The following C1orf87 variants were observed in gnomAD, a reference collection of about 807,000 sequenced individuals.
C1orf87 encodes uncharacterized protein C1orf87.
Under a neutral mutation model 60.5 loss-of-function variants are expected in C1orf87, and 58 were observed. That is an observed-to-expected ratio of 0.96 (90% CI 0.78 to 1.19). C1orf87 has a LOEUF of 1.19. Among genes scored for constraint, C1orf87 ranks in the 50% most tolerant of loss-of-function variants. The pLI, the probability that C1orf87 is intolerant of heterozygous loss-of-function variation, is 0.00. For missense variants in C1orf87, 673 were observed against 638.6 expected (o/e 1.05, Z -0.58); for synonymous variants, 236 against 227.4 (o/e 1.04, Z -0.34).
chr1:60,040,516 G>T (rs544976062), intron 4 of C1orf87, among the ~76,000 whole-genome samples: 2 of 152,298 alleles, frequency 1.3e-5, no homozygotes, highest in African/African-American at 2.4e-5. Context: ...CATTGCAGCT[G>T]GGAGTTTAGC....
intron 3 of C1orf87, among the ~76,000 whole-genome samples, chr1:60,045,247 G>T (rs1017414955): frequency 7.9e-5 from 12 of 152,020 alleles, no homozygotes; most frequent in African/African-American, 2.9e-4. Context: ...TCAAAAATGG[G>T]CAGTAGTGAT....
chr1:60,070,506 G>A (rs1645577173), intron 2 of C1orf87, among the ~76,000 whole-genome samples: 1 of 152,288 alleles, frequency 6.6e-6, no homozygotes, highest in Admixed American at 6.5e-5. Context: ...TGACATGATA[G>A]TGGCGGCACT....
At chr1:60,064,583 CAT>C (rs1557481713) in intron 2 of C1orf87, among the ~76,000 whole-genome samples, 1 of 112,318 alleles carries the variant, frequency 8.9e-6, no homozygotes, top group East Asian at 2.4e-4. Flanking sequence ...GGATATATAT[CAT>C]ATATAATATA....
chr1:59,999,638 A>G (rs933922978), intron 10 of C1orf87, among the ~76,000 whole-genome samples: 2 of 152,146 alleles, frequency 1.3e-5, no homozygotes, highest in Non-Finnish European at 2.9e-5. Flanking sequence ...TAACTAATAC[A>G]TCCTTCACTG....
intron 5 of C1orf87, 81 bp from the exon 6 acceptor site, chr1:60,038,188 G>A: frequency 1.3e-6 from 1 of 770,724 alleles, no homozygotes; most frequent in Non-Finnish European, 1.9e-6. Flanking sequence ...AATGTATTTG[G>A]CAAATTTTTA....
chr1:60,002,804 T>C (rs1487485205), intron 9 of C1orf87, among the ~76,000 whole-genome samples: 1 of 151,240 alleles, frequency 6.6e-6, no homozygotes, highest in African/African-American at 2.4e-5. Flanking sequence ...TGGCAATCAT[T>C]AAAAAGTCAG....
At chr1:59,994,962 T>A (rs1013340023) in intron 11 of C1orf87, among the ~76,000 whole-genome samples, 3 of 152,138 alleles carry the variant, frequency 2.0e-5, no homozygotes, top group Non-Finnish European at 4.4e-5. Context: ...TTAAAGACAG[T>A]TGTAGATTTT....
chr1:60,040,560 C>T (rs1645315020), intron 4 of C1orf87, among the ~76,000 whole-genome samples: 1 of 152,074 alleles, frequency 6.6e-6, no homozygotes, highest in Non-Finnish European at 1.5e-5. Flanking sequence ...GTGTCTAGAC[C>T]CTGACTGAGT....
chr1:60,048,632 C>T (rs1168741201), intron 3 of C1orf87, among the ~76,000 whole-genome samples: 1 of 152,032 alleles, frequency 6.6e-6, no homozygotes, highest in African/African-American at 2.4e-5. Context: ...CAAAGCCAAA[C>T]CTACAAAACA....
intron 4 of C1orf87, 35 bp from the exon 5 acceptor site, chr1:60,040,215 T>C: frequency 6.3e-7 from 1 of 1,583,532 alleles, no homozygotes; most frequent in Non-Finnish European, 8.6e-7. Flanking sequence ...AGCAAGACTC[T>C]TCAATCAGCC....
rs529718187 is a variant in C1orf87, at chr1:60,065,831, G to A, written c.107+6706C>T. Among the ~76,000 whole-genome samples, 45 of 152,070 alleles carry A rather than the reference G, an allele frequency of 3.0e-4. 2 individuals are homozygous for A. The South Asian group carries it at 7.1e-3, about 24-fold the overall frequency. On this transcript the variant is annotated intron_variant, in intron 2 of 11. Transcript: ENST00000371201. ...AAATACCAGAACTTTGCATATCTTG[G>A]GTATAAATATCAATGCAAATTACAG... is the stretch of plus-strand genomic sequence containing the variant.
Position 60,052,773 on chromosome 1 carries a change from T to C in C1orf87, c.342+2431A>G, listed in dbSNP as rs41324848. On this transcript the variant is annotated intron_variant, in intron 3 of 11. Coordinates refer to ENST00000371201, the MANE Select transcript of C1orf87 (RefSeq NM_152377.3). ...AGTGATAAGGATCTAGAAAGAGTTCTGATTGGTGTGCTTTTGTAACTGCGG... is the reference window on the plus strand; with the variant it reads ...AGTGATAAGGATCTAGAAAGAGTTCCGATTGGTGTGCTTTTGTAACTGCGG... Among the ~76,000 whole-genome samples the C allele has an allele frequency of 3.5e-3, 540 of 152,376 alleles. 2 individuals are homozygous for C. The highest frequency in any genetic ancestry group is 0.012 in the African/African-American group (511 of 41,594).
At position 59,990,775 on chromosome 1, in the gene C1orf87, G is replaced by C; in HGVS notation, c.1539C>G (p.Asn513Lys). 1 of 1,614,090 alleles carries C rather than the reference G, an allele frequency of 6.2e-7. No individual in the cohort carries two copies. The highest frequency in any genetic ancestry group is 8.5e-7 in the Non-Finnish European group (1 of 1,179,964). Residue 513 changes from asparagine to lysine, a missense_variant, in exon 12 of 12, where the codon AAC (asparagine) becomes AAG (lysine). Coordinates refer to ENST00000371201, the MANE Select transcript of C1orf87 (RefSeq NM_152377.3). ...CGATTTTCTGAGGGCTCAGGGACAG[G>C]TTGTAAATGAGATTGTAGTTGTGAA... is the stretch of plus-strand genomic sequence containing the variant. Reference protein sequence around the residue: ...RLIHNYNLIYNLSLSPQKIDQ... With the variant: ...RLIHNYNLIYKLSLSPQKIDQ...
At chr1:60,027,935 T>A (rs913053053) in intron 7 of C1orf87, among the ~76,000 whole-genome samples, 2 of 152,212 alleles carry the variant, frequency 1.3e-5, no homozygotes, top group Non-Finnish European at 2.9e-5. Context: ...TTGTTGAGCA[T>A]TTCTACAAGG....
chr1:60,009,536 T>A lies in C1orf87; in HGVS notation c.1192+856A>T, dbSNP rs1645068111. ...CAGCTTTGGATACTTACATAACCAA[T>A]CCCCTGTAGTAAATTCCCTCTGCTT... On this transcript the variant is annotated intron_variant, in intron 9 of 11. Coordinates refer to ENST00000371201, the MANE Select transcript of C1orf87 (RefSeq NM_152377.3). 2.0e-5 allele frequency among the ~76,000 whole-genome samples: 3 copies of A among 151,978 alleles called. No individual in the cohort carries two copies. The South Asian group carries it at 6.2e-4, about 31-fold the overall frequency.
intron 11 of C1orf87, 113 bp downstream of exon 11, chr1:59,997,496 T>C: frequency 4.3e-6 from 4 of 928,544 alleles, no homozygotes; most frequent in Admixed American, 2.4e-5. Flanking sequence ...GCAGGGCACA[T>C]GATTTATATA....
At chr1:59,997,157 G>A (rs1644968961) in intron 11 of C1orf87, among the ~76,000 whole-genome samples, 1 of 152,106 alleles carries the variant, frequency 6.6e-6, no homozygotes, top group African/African-American at 2.4e-5. Context: ...AATGGCACAG[G>A]CGTGTGCGAG....
intron 9 of C1orf87, among the ~76,000 whole-genome samples, chr1:60,002,476 G>T (rs1645012873): frequency 6.6e-6 from 1 of 152,056 alleles, no homozygotes; most frequent in African/African-American, 2.4e-5. Flanking sequence ...TTTTGATGGG[G>T]TTGTTTGTTT....
Position 60,040,081 on chromosome 1 carries a change from AT to A in C1orf87, c.582del (p.Leu194PhefsTer2). 1 of 1,614,244 alleles carries A rather than the reference AT, an allele frequency of 6.2e-7. No individual in the cohort carries two copies. The highest frequency in any genetic ancestry group is 1.3e-5 in the African/African-American group (1 of 75,070). ...TTCAGCTCTTTCTGAAGCTTTTCTA[AT>A]AAGTTGGAACTCAAAGGACGTGACT... ...ELKSRPLSSNLLEKLQKELKI... is the reference protein window; with the variant it reads ...ELKSRPLSSNXLEKLQKELKI... On this transcript the variant is annotated frameshift_variant, in exon 5 of 12. Coordinates refer to ENST00000371201, the MANE Select transcript of C1orf87 (RefSeq NM_152377.3). LOFTEE classifies it high-confidence loss of function.
Sources: allele counts gnomAD v4.1 joint callset (sites outside exome capture counted in the v4.1 genomes callset), GRCh38; gene constraint gnomAD v4.1.1; transcripts MANE v1.5; gene names NCBI Gene and HGNC (gene_info 2026-07-23, HGNC 2026-07-21).